Variants in FMN2 observed in about 807,000 individuals in gnomAD.
The protein encoded by FMN2 is formin-2.
A neutral mutation model predicts 142.3 loss-of-function variants in FMN2; 51 were observed. That is an observed-to-expected ratio of 0.36 (90% CI 0.29 to 0.45). The LOEUF is 0.45. Ranked by LOEUF, FMN2 falls within the 20% of genes least tolerant of loss-of-function variation. FMN2 has a pLI of 1.00. For missense variants in FMN2, 1,936 were observed against 2,122.8 expected (o/e 0.91, Z 1.73); for synonymous variants, 882 against 869.8 (o/e 1.01, Z -0.25).
rs186742891 is a variant in FMN2 at position 240,263,451 on chromosome 1, T to G, written c.4153+5419T>G. On this transcript the variant is annotated intron_variant, in intron 7 of 17. Transcript: ENST00000319653. The stretch of plus-strand genomic sequence containing the variant: ...CTATTAGCCCCCAGTAGACTCTTAT[T>G]CTAGCTATGGAAGAGGTAGGAGTGG... Among the ~76,000 whole-genome samples the G allele has an allele frequency of 4.7e-3, 710 of 152,280 alleles. 6 individuals are homozygous for G. Among genetic ancestry groups the G allele is most frequent in the Non-Finnish European group, 8.4e-3 (574 of 68,018 alleles).
chr1:240,228,792 C>A (rs1178555878), intron 6 of FMN2, among the ~76,000 whole-genome samples: 1 of 151,648 alleles, frequency 6.6e-6, no homozygotes, highest in Non-Finnish European at 1.5e-5. Flanking sequence ...TTAAGATAAA[C>A]TTTTTTTTCC....
intron 15 of FMN2, among the ~76,000 whole-genome samples, chr1:240,423,830 A>G (rs559863105): frequency 6.6e-6 from 1 of 152,214 alleles, no homozygotes; most frequent in Admixed American, 6.5e-5. Flanking sequence ...AATAGCCAGA[A>G]CTGCTGCATT....
At chr1:240,307,737 A>T in intron 8 of FMN2, among the ~76,000 whole-genome samples, 1 of 151,960 alleles carries the variant, frequency 6.6e-6, no homozygotes, top group South Asian at 2.1e-4. Context: ...TTTTTGTTTC[A>T]TTTGAATTTT....
intron 7 of FMN2, among the ~76,000 whole-genome samples, chr1:240,285,491 G>A (rs939437799): frequency 2.0e-5 from 3 of 152,046 alleles, no homozygotes; most frequent in African/African-American, 7.2e-5. Context: ...GTGAGACTGG[G>A]CGAGACCACC....
At chr1:240,286,029 C>T (rs749089618) in intron 7 of FMN2, among the ~76,000 whole-genome samples, 1 of 152,092 alleles carries the variant, frequency 6.6e-6, no homozygotes, top group Non-Finnish European at 1.5e-5. Flanking sequence ...ATGTTGGGCT[C>T]TTGGACTTTG....
rs1667515473 is a variant in FMN2, at chr1:240,231,230, GC to G, written c.4065+19997del. Among the ~76,000 whole-genome samples, 2 of 132,266 alleles carry G rather than the reference GC, an allele frequency of 1.5e-5. 1 individual carries two copies. The highest frequency in any genetic ancestry group is 4.4e-4 in the East Asian group (2 of 4,514). The allele number at this position is 132,266 out of a possible 152,430, so 86.8% of individuals were successfully genotyped here. On this transcript the variant is annotated intron_variant, in intron 6 of 17. Coordinates refer to ENST00000319653, the MANE Select transcript of FMN2 (RefSeq NM_020066.5). ...ACCATCTCTTTGCGTTCCACATTAA[GC>G]CTTCCAAAAAATAAAACAATACAAA...
At chr1:240,217,636 ATTTG>A (rs1459525675) in intron 6 of FMN2, among the ~76,000 whole-genome samples, 1 of 152,078 alleles carries the variant, frequency 6.6e-6, no homozygotes, top group Non-Finnish European at 1.5e-5. Context: ...TGGAATCTGG[ATTTG>A]TTTAAGATGT....
intron 6 of FMN2, among the ~76,000 whole-genome samples, chr1:240,216,657 A>T (rs979756708): frequency 6.6e-6 from 1 of 152,232 alleles, no homozygotes; most frequent in African/African-American, 2.4e-5. Context: ...TAAGGATTAG[A>T]TATTTGGTAT....
At chr1:240,474,075 A>AT (rs1676895837) in intron 17 of FMN2, 53 bp from the exon 18 acceptor site, 2 of 1,492,164 alleles carry the variant, frequency 1.3e-6, no homozygotes, top group African/African-American at 1.4e-5. Context: ...AATTCTTTCC[A>AT]TTTTTAAAAG....
intron 16 of FMN2, among the ~76,000 whole-genome samples, chr1:240,440,185 A>G (rs942907294): frequency 2.0e-5 from 3 of 152,010 alleles, no homozygotes; most frequent in Non-Finnish European, 4.4e-5. Flanking sequence ...AGGATGCTGG[A>G]CACCCTCCCT....
At chr1:240,241,137 G>A (rs993618161) in intron 6 of FMN2, among the ~76,000 whole-genome samples, 1 of 151,862 alleles carries the variant, frequency 6.6e-6, no homozygotes, top group African/African-American at 2.4e-5. Flanking sequence ...CAACCTGCTA[G>A]AATAAAAACT....
chr1:240,113,482 G>A (rs991256393), intron 1 of FMN2, among the ~76,000 whole-genome samples: 5 of 150,802 alleles, frequency 3.3e-5, no homozygotes, highest in East Asian at 1.9e-4. Flanking sequence ...CGCTTGAACC[G>A]GGGAGGCAGA....
intron 8 of FMN2, among the ~76,000 whole-genome samples, chr1:240,315,968 T>A (rs1056389437): frequency 2.6e-5 from 4 of 152,304 alleles, no homozygotes; most frequent in Admixed American, 1.3e-4. Context: ...ATTTCATGCA[T>A]AACATATATA....
chr1:240,403,986 A>G (rs1305233487), intron 15 of FMN2, among the ~76,000 whole-genome samples: 2 of 152,252 alleles, frequency 1.3e-5, no homozygotes, highest in Admixed American at 1.3e-4. Context: ...TTTAAAAAAT[A>G]AATACTATTT....
At chr1:240,431,425 C>CACAT (rs1226838834) in intron 15 of FMN2, among the ~76,000 whole-genome samples, 3 of 122,708 alleles carry the variant, frequency 2.4e-5, no homozygotes, top group African/African-American at 1.1e-4. Flanking sequence ...TATATATATA[C>CACAT]ATATATATAC....
intron 15 of FMN2, chr1:240,401,140 AC>A (rs1176836706): frequency 2.0e-5 from 3 of 149,882 alleles, no homozygotes; most frequent in Admixed American, 6.6e-5. Context: ...AAAAAAAAAA[AC>A]ATAGACATGC....
chr1:240,449,731 T>G (rs1052281440), intron 16 of FMN2, among the ~76,000 whole-genome samples: 1 of 152,222 alleles, frequency 6.6e-6, no homozygotes, highest in African/African-American at 2.4e-5. Flanking sequence ...ATGTAAATTG[T>G]CATCATCATT....
intron 14 of FMN2, among the ~76,000 whole-genome samples, chr1:240,381,882 A>C (rs1056018801): frequency 1.9e-4 from 29 of 152,354 alleles, no homozygotes; most frequent in African/African-American, 6.5e-4. Flanking sequence ...AATGGGGAAA[A>C]GATTAAAGCA....
chr1:240,137,592 A>G (rs1367402866), intron 2 of FMN2, among the ~76,000 whole-genome samples: 1 of 152,192 alleles, frequency 6.6e-6, no homozygotes, highest in Non-Finnish European at 1.5e-5. Flanking sequence ...CAGTCACACA[A>G]TATTTATGGA....
Sources: gnomAD v4.1 joint callset for allele counts (sites outside exome capture counted in the v4.1 genomes callset) on GRCh38, gnomAD v4.1.1 for gene constraint, MANE v1.5 for transcripts, NCBI Gene and HGNC (gene_info 2026-07-23, HGNC 2026-07-21) for gene names.